The following CD96 variants were observed in gnomAD, a reference collection of about 807,000 sequenced individuals.
CD96 encodes the protein T-cell surface protein tactile.
CD96 carries 70 observed loss-of-function variants against 71.3 expected under a neutral mutation model. The ratio of observed to expected loss-of-function variants is 0.98; its 90% CI spans 0.81 to 1.20. The LOEUF (loss-of-function observed/expected upper bound fraction) is 1.20. Among genes scored for constraint, CD96 ranks in the 50% most tolerant of loss-of-function variants. The pLI is 0.00. For synonymous variants in CD96, 248 were observed against 233.0 expected, an observed-to-expected ratio of 1.06 and a Z score of -0.59; for missense variants, 742 against 677.5, an observed-to-expected ratio of 1.10 and a Z score of -1.06.
chr3:111,579,548 T>C (rs1280552659), intron 4 of CD96: 2 of 380,966 alleles, frequency 5.2e-6, no homozygotes, highest in Non-Finnish European at 5.1e-6. Flanking sequence ...TACTTACAGT[T>C]ATGGAGGCTA....
At chr3:111,654,522 G>A (rs114627730), downstream of CD96, among the ~76,000 whole-genome samples, 27 of 152,328 alleles carry the variant, frequency 1.8e-4, no homozygotes, top group Non-Finnish European at 3.7e-4. Context: ...TCCTCAGACA[G>A]CATCTTTGTA....
intron 3 of CD96, chr3:111,570,711 T>C (rs1935938872): frequency 7.4e-6 from 12 of 1,612,554 alleles, no homozygotes; most frequent in Non-Finnish European, 1.0e-5. Flanking sequence ...GGACAGAGCA[T>C]CATAGATGGG....
downstream of CD96, among the ~76,000 whole-genome samples, chr3:111,657,105 A>G (rs1298537700): frequency 6.6e-6 from 1 of 151,996 alleles, no homozygotes; most frequent in Non-Finnish European, 1.5e-5. Flanking sequence ...GAAAAAACTA[A>G]TCCAGGCCAG....
In CD96 at chr3:111,647,534, C is replaced by A. The variant is rs780690229; in HGVS notation, c.1478-9C>A. On this transcript the variant is annotated splice_polypyrimidine_tract_variant and intron_variant, in intron 12 of 13. Transcript: ENST00000352690. Reference sequence around the variant, plus strand: ...GATTAAAGTTCATCTTTCTTTATGCCCTTTTCAGGTATTGTGGTCAATAAG... The same window carrying A: ...GATTAAAGTTCATCTTTCTTTATGCACTTTTCAGGTATTGTGGTCAATAAG... The A allele has an allele frequency of 1.2e-6, 2 of 1,611,156 alleles. No individual in the cohort carries two copies. The highest frequency in any genetic ancestry group is 1.1e-5 in the South Asian group (1 of 91,000).
chr3:111,630,856 A>G (rs1358149559), intron 10 of CD96, among the ~76,000 whole-genome samples: 1 of 152,228 alleles, frequency 6.6e-6, no homozygotes, highest in Non-Finnish European at 1.5e-5. Flanking sequence ...GGTTCTACAT[A>G]CACTAATTAA....
In CD96 at chr3:111,583,637, C is replaced by T. The variant is rs116150670; in HGVS notation, c.752-1686C>T. ...AACCTCAGTTCTTGACTTCTCTGCA[C>T]GCACAGGCTCAACACCATGTGGAAG... On this transcript the variant is annotated intron_variant, in intron 4 of 13. Transcript: ENST00000352690. Among the ~76,000 whole-genome samples, 1,421 of 152,354 alleles carry T rather than the reference C, an allele frequency of 9.3e-3. 14 individuals carry two copies. Among genetic ancestry groups the T allele is most frequent in the South Asian group, 0.036 (175 of 4,832 alleles).
chr3:111,571,457 C>T (rs958534501), intron 3 of CD96, among the ~76,000 whole-genome samples: 3 of 151,626 alleles, frequency 2.0e-5, no homozygotes, highest in Non-Finnish European at 2.9e-5. Context: ...GATGAGTCAC[C>T]GTTTATCAAG....
chr3:111,655,888 T>C, downstream of CD96, among the ~76,000 whole-genome samples: 1 of 151,156 alleles, frequency 6.6e-6, no homozygotes, highest in East Asian at 1.9e-4. Context: ...ATAAATACTA[T>C]ATATAGTTTT....
intron 6 of CD96, among the ~76,000 whole-genome samples, chr3:111,599,949 G>A (rs1030293400): frequency 2.6e-5 from 4 of 152,362 alleles, no homozygotes; most frequent in African/African-American, 9.6e-5. Flanking sequence ...TATAGTGATA[G>A]TTGGTTTTAC....
chr3:111,561,859 A>G (rs1455497664), intron 2 of CD96, among the ~76,000 whole-genome samples: 6 of 150,796 alleles, frequency 4.0e-5, no homozygotes, highest in Non-Finnish European at 5.9e-5. Context: ...GCAATCAGCG[A>G]GATTCCGTGG....
chr3:111,647,622 G>C lies in CD96; in HGVS notation c.1557G>C (p.Leu519Phe), dbSNP rs1037527400. 5 of 1,611,930 alleles carry C rather than the reference G, an allele frequency of 3.1e-6. No individual in the cohort carries two copies. The South Asian group carries it at 5.5e-5, about 18-fold the overall frequency. The stretch of plus-strand genomic sequence containing the variant: ...CTTTACTCTTTTGCTGCATGATATT[G>C]TTTGGTCTTGGAGTGAGAAAATGGT... Reference protein sequence around the residue: ...VAALLFCCMILFGLGVRKWCQ... With the variant: ...VAALLFCCMIFFGLGVRKWCQ... The change falls in exon 13 of 14, where the codon TTG becomes TTC. Residue 519 changes from leucine to phenylalanine, a missense_variant. By Grantham distance (22) the Leu-to-Phe change is conservative. Transcript: ENST00000352690.
chr3:111,571,125 C>T, intron 3 of CD96: 1 of 694,424 alleles, frequency 1.4e-6, no homozygotes, highest in Non-Finnish European at 2.6e-6. Context: ...GGTTACAGCA[C>T]ATGCTGTTCC....
intron 8 of CD96, among the ~76,000 whole-genome samples, chr3:111,608,025 G>A (rs1937709389): frequency 6.9e-6 from 1 of 145,718 alleles, no homozygotes; most frequent in African/African-American, 2.5e-5. Flanking sequence ...TGTCGCATAT[G>A]GTTTCTGGGG....
intron 2 of CD96, among the ~76,000 whole-genome samples, chr3:111,548,942 T>C (rs1358609903): frequency 6.6e-6 from 1 of 152,162 alleles, no homozygotes; most frequent in Non-Finnish European, 1.5e-5. Context: ...TAGGCATATA[T>C]GCATGACTGT....
At chr3:111,653,027 C>T (rs181527057), downstream of CD96, among the ~76,000 whole-genome samples, 191 of 152,198 alleles carry the variant, frequency 1.3e-3, no homozygotes, top group Admixed American at 2.1e-3. Flanking sequence ...TTCATATGTT[C>T]GTTTCCTTAC....
chr3:111,594,425 C>A (rs528406995), intron 5 of CD96: 8 of 487,788 alleles, frequency 1.6e-5, no homozygotes, highest in African/African-American at 1.3e-4. Flanking sequence ...CCCAAGAGTG[C>A]ATTCCTTCCA....
intron 4 of CD96, 148 bp downstream of exon 4, chr3:111,579,382 G>T: frequency 2.8e-6 from 2 of 713,526 alleles, no homozygotes; most frequent in East Asian, 2.7e-5. Flanking sequence ...TGTCATTCTT[G>T]TTGGGCAGGG....
intron 11 of CD96, 35 bp from the exon 12 acceptor site, chr3:111,638,044 G>T (rs748244105): frequency 9.0e-7 from 1 of 1,109,890 alleles, no homozygotes; most frequent in Non-Finnish European, 1.4e-6. Context: ...ATCAAGTTGA[G>T]ATGTCTTGTC....
intron 13 of CD96, among the ~76,000 whole-genome samples, chr3:111,648,491 T>C (rs1939936776): frequency 6.6e-6 from 1 of 152,284 alleles, no homozygotes; most frequent in East Asian, 1.9e-4. Context: ...GACTACAATT[T>C]GGCCACCACA....
Sources: gnomAD v4.1 joint callset for allele counts (sites outside exome capture counted in the v4.1 genomes callset) on GRCh38, gnomAD v4.1.1 for gene constraint, MANE v1.5 for transcripts, NCBI Gene and HGNC (gene_info 2026-07-23, HGNC 2026-07-21) for gene names.